The following RERG variants were observed in gnomAD, a reference collection of about 807,000 sequenced individuals.
RERG encodes ras-related and estrogen-regulated growth inhibitor.
A neutral mutation model predicts 23.2 loss-of-function variants in RERG; 25 were observed. The observed-to-expected ratio is 1.08, with a 90% confidence interval of 0.79 to 1.50. The LOEUF (loss-of-function observed/expected upper bound fraction) is 1.50. Ranked by LOEUF, RERG falls within the 40% of genes most tolerant of loss-of-function variation. The pLI is 0.00. For synonymous variants in RERG, 81 were observed against 89.1 expected (o/e 0.91, Z 0.51); for missense variants, 253 against 250.1 (o/e 1.01, Z -0.08).
At chr12:15,163,414 G>A (rs1466054764) in intron 2 of RERG, among the ~76,000 whole-genome samples, 3 of 152,092 alleles carry the variant, frequency 2.0e-5, no homozygotes, top group Non-Finnish European at 4.4e-5. Context: ...ACTAAGATTC[G>A]ACATGAATGT....
intron 2 of RERG, among the ~76,000 whole-genome samples, chr12:15,146,434 T>C (rs1365877452): frequency 6.6e-6 from 1 of 152,210 alleles, no homozygotes. Flanking sequence ...AAACTTCTGA[T>C]TTGCATGATA....
chr12:15,211,383 A>G lies in RERG; in HGVS notation c.61+6046T>C, dbSNP rs561030581. ...AGAAAATTCTATAATTTCTAACCAC[A>G]TGGATGAACATAGAGGAAATGATGC... On this transcript the variant is annotated intron_variant, in intron 2 of 4. Coordinates refer to ENST00000256953, the MANE Select transcript of RERG (RefSeq NM_032918.3). Among the ~76,000 whole-genome samples the G allele has an allele frequency of 3.3e-5, 5 of 152,102 alleles. No individual in the cohort carries two copies. The South Asian group carries it at 8.3e-4, about 25-fold the overall frequency.
chr12:15,176,812 A>T (rs1000848014), intron 2 of RERG, among the ~76,000 whole-genome samples: 1 of 152,204 alleles, frequency 6.6e-6, no homozygotes, highest in Admixed American at 6.5e-5. Flanking sequence ...TTAACAAAAG[A>T]TTTCTTCTTC....
At chr12:15,217,796 A>G (rs1865462998) in intron 1 of RERG, 193 bp from the exon 2 acceptor site, 1 of 272,860 alleles carries the variant, frequency 3.7e-6, no homozygotes. Context: ...CAGGACTTGG[A>G]TTTGGATCTG....
intron 2 of RERG, among the ~76,000 whole-genome samples, chr12:15,210,479 T>C (rs751904802): frequency 9.9e-5 from 15 of 152,214 alleles, no homozygotes; most frequent in Non-Finnish European, 1.3e-4. Flanking sequence ...CCCAATCATA[T>C]TTTTCTTAAG....
intron 2 of RERG, among the ~76,000 whole-genome samples, chr12:15,156,350 A>AATCT (rs1412634337): frequency 2.6e-5 from 4 of 152,152 alleles, no homozygotes; most frequent in Non-Finnish European, 5.9e-5. Context: ...GACCCCCTGA[A>AATCT]ATCTACCTGT....
At chr12:15,170,526 A>G (rs1440264503) in intron 2 of RERG, among the ~76,000 whole-genome samples, 2 of 152,188 alleles carry the variant, frequency 1.3e-5, no homozygotes, top group African/African-American at 4.8e-5. Flanking sequence ...ATTGCATTTT[A>G]CAAACATGCA....
chr12:15,159,638 A>G (rs1864574919), intron 2 of RERG, among the ~76,000 whole-genome samples: 1 of 152,168 alleles, frequency 6.6e-6, no homozygotes, highest in African/African-American at 2.4e-5. Context: ...CCTGGCTAAC[A>G]CAGTGAAACC....
intron 2 of RERG, among the ~76,000 whole-genome samples, chr12:15,178,023 C>CAA (rs1864876137): frequency 6.6e-6 from 1 of 151,950 alleles, no homozygotes; most frequent in African/African-American, 2.4e-5. Context: ...TTTTTAGCTT[C>CAA]TTTCTCAAAT....
intron 2 of RERG, among the ~76,000 whole-genome samples, chr12:15,128,454 G>T (rs1255459089): frequency 6.6e-6 from 1 of 152,184 alleles, no homozygotes; most frequent in East Asian, 1.9e-4. Context: ...TAGGCAGTGA[G>T]GAAGTCAGCA....
intron 2 of RERG, among the ~76,000 whole-genome samples, chr12:15,138,655 AT>A (rs1306714684): frequency 6.6e-6 from 1 of 151,518 alleles, no homozygotes; most frequent in African/African-American, 2.4e-5. Flanking sequence ...AAATTAGTTT[AT>A]TTTTTTCTTA....
At chr12:15,148,428 GCAAATGAAGGA>G (rs1864370618) in intron 2 of RERG, among the ~76,000 whole-genome samples, 1 of 152,136 alleles carries the variant, frequency 6.6e-6, no homozygotes, top group Non-Finnish European at 1.5e-5. Context: ...AAAACAAACA[GCAAATGAAGGA>G]CCATGCCAGT....
chr12:15,200,254 T>A (rs1288838738), intron 2 of RERG, among the ~76,000 whole-genome samples: 1 of 152,100 alleles, frequency 6.6e-6, no homozygotes, highest in Non-Finnish European at 1.5e-5. Context: ...AGGAATTTTT[T>A]AATTTGTAGT....
intron 2 of RERG, among the ~76,000 whole-genome samples, chr12:15,165,955 T>C (rs1864681005): frequency 6.6e-6 from 1 of 152,152 alleles, no homozygotes; most frequent in African/African-American, 2.4e-5. Flanking sequence ...CCCTGACCAT[T>C]TCCTAGGTAC....
chr12:15,118,804 G>A (rs1287985368), intron 3 of RERG, among the ~76,000 whole-genome samples: 2 of 151,826 alleles, frequency 1.3e-5, no homozygotes, highest in African/African-American at 4.8e-5. Flanking sequence ...CTCCCCAGAA[G>A]CCAATGCTTC....
chr12:15,214,944 T>A (rs1182646690), intron 2 of RERG, among the ~76,000 whole-genome samples: 1 of 152,252 alleles, frequency 6.6e-6, no homozygotes, highest in Non-Finnish European at 1.5e-5. Context: ...AAACGAGTGC[T>A]ACTTTTAAAA....
chr12:15,218,896 T>G (rs555843859), intron 1 of RERG, among the ~76,000 whole-genome samples: 25 of 152,096 alleles, frequency 1.6e-4, no homozygotes, highest in Non-Finnish European at 3.2e-4. Flanking sequence ...TGGTGTCCAC[T>G]GCATTCCACT....
In RERG at chr12:15,111,401, G is replaced by C. The variant is rs1486891771; in HGVS notation, c.135C>G (p.His45Gln). ...CAACTTCATCATCGATGGTTGCTTG[G>C]TGTCGGTAGGTTGATTCTAAGGGAA... ...YDPTLESTYR[H>Q]QATIDDEVVS... The change falls in exon 4 of 5, where the codon CAC becomes CAG. Residue 45 changes from histidine to glutamine, a missense_variant. By Grantham distance (24) the His-to-Gln change is conservative. Coordinates refer to ENST00000256953, the MANE Select transcript of RERG (RefSeq NM_032918.3). 2.5e-6 allele frequency: 4 copies of C among 1,613,176 alleles called. No homozygotes were observed. The highest frequency in any genetic ancestry group is 3.4e-6 in the Non-Finnish European group (4 of 1,179,456).
At chr12:15,158,820 A>T (rs1009042604) in intron 2 of RERG, among the ~76,000 whole-genome samples, 6 of 152,138 alleles carry the variant, frequency 3.9e-5, no homozygotes, top group African/African-American at 1.4e-4. Context: ...ATCATTGGTG[A>T]CATGAACTTT....
Sources: allele counts gnomAD v4.1 joint callset (sites outside exome capture counted in the v4.1 genomes callset), GRCh38; gene constraint gnomAD v4.1.1; transcripts MANE v1.5; gene names NCBI Gene and HGNC (gene_info 2026-07-23, HGNC 2026-07-21).